The following VPS26A variants were observed in gnomAD, a reference collection of about 807,000 sequenced individuals.
VPS26A encodes the protein VPS26 retromer complex component A, also known as vacuolar protein sorting-associated protein 26A.
A neutral mutation model predicts 42.4 loss-of-function variants in VPS26A; 22 were observed. The observed-to-expected ratio is 0.52, with a 90% CI of 0.37 to 0.74. VPS26A has a LOEUF of 0.74. VPS26A is among the 30% of genes least tolerant of loss of function. The pLI, the probability that VPS26A is intolerant of heterozygous loss-of-function variation, is 0.00. For missense variants in VPS26A, 276 were observed against 379.2 expected (o/e 0.73, Z 2.26); for synonymous variants, 110 against 123.5 (o/e 0.89, Z 0.73).
intron 4 of VPS26A, 129 bp downstream of exon 4, chr10:69,157,292 C>A: frequency 1.7e-6 from 2 of 1,209,610 alleles, no homozygotes; most frequent in Non-Finnish European, 2.2e-6. Context: ...AATTCTGTCA[C>A]ATACTTTGGC....
At chr10:69,162,063 CTCACTGCAGCCTTCACCTGCTGGGT>C (rs1841576915) in intron 5 of VPS26A, among the ~76,000 whole-genome samples, 3 of 149,978 alleles carry the variant, frequency 2.0e-5, no homozygotes, top group Admixed American at 2.0e-4. Context: ...TGTGATTTGC[CTCACTGCAGCCTTCACCTGCTGGGT>C]TCAGGCAGTC....
chr10:69,149,026 G>A (rs1841229046), intron 2 of VPS26A, among the ~76,000 whole-genome samples: 1 of 152,058 alleles, frequency 6.6e-6, no homozygotes, highest in Non-Finnish European at 1.5e-5. Context: ...AAAGTGCTGG[G>A]ATTACCAGTG....
intron 8 of VPS26A, among the ~76,000 whole-genome samples, 178 bp downstream of exon 8, chr10:69,168,809 A>G (rs143767239): frequency 2.1e-4 from 32 of 152,318 alleles, no homozygotes; most frequent in Admixed American, 1.8e-3. Flanking sequence ...TCCCTCCCCA[A>G]TCATTCTGCA....
intron 5 of VPS26A, among the ~76,000 whole-genome samples, chr10:69,159,689 T>C (rs1304732310): frequency 6.6e-6 from 1 of 152,234 alleles, no homozygotes; most frequent in Non-Finnish European, 1.5e-5. Flanking sequence ...TATATCATTC[T>C]AAATATAACT....
intron 2 of VPS26A, among the ~76,000 whole-genome samples, chr10:69,141,134 C>T (rs954406465): frequency 5.9e-5 from 9 of 152,122 alleles, no homozygotes; most frequent in Non-Finnish European, 1.2e-4. Flanking sequence ...ATCTGAGATT[C>T]TAAAAGGCCA....
At chr10:69,131,134 C>A (rs113403389) in intron 1 of VPS26A, among the ~76,000 whole-genome samples, 6,337 of 152,176 alleles carry the variant, frequency 0.042, 462 homozygotes, top group African/African-American at 0.14. Flanking sequence ...TGCAGGCATG[C>A]ACCACCATGC....
intron 1 of VPS26A, among the ~76,000 whole-genome samples, chr10:69,130,776 A>G (rs1840758374): frequency 6.6e-6 from 1 of 152,140 alleles, no homozygotes; most frequent in Admixed American, 6.5e-5. Flanking sequence ...GTGGAGTTAT[A>G]CGTACGTTTT....
At chr10:69,126,188 C>CG (rs1370156457) in intron 1 of VPS26A, among the ~76,000 whole-genome samples, 3 of 152,104 alleles carry the variant, frequency 2.0e-5, no homozygotes, top group Admixed American at 6.6e-5. Flanking sequence ...TCACGGGGTG[C>CG]GGTGGCTCAC....
At position 69,171,445 on chromosome 10, in the gene VPS26A, T is replaced by A. The variant is rs1192777902; in HGVS notation, c.*176T>A. 1 of 518,750 alleles carries A rather than the reference T, an allele frequency of 1.9e-6. No homozygotes were observed. The highest frequency in any genetic ancestry group is 3.3e-6 in the Non-Finnish European group (1 of 299,992). 32.1% of individuals were successfully genotyped at this position (518,750 alleles called of 1,614,324 possible). A position where few individuals can be genotyped will look rare whatever the true frequency, so the allele number is the denominator to read the frequency against. The stretch of plus-strand genomic sequence containing the variant: ...TTTTATGATATAATGAAATGTTCGT[T>A]CATGTATATACATTTTTAAAAGTGC... On this transcript the variant is annotated 3_prime_UTR_variant, in exon 9 of 9. Coordinates refer to ENST00000263559, the MANE Select transcript of VPS26A (RefSeq NM_004896.5).
intron 2 of VPS26A, among the ~76,000 whole-genome samples, chr10:69,148,565 A>G (rs1405947648): frequency 1.3e-5 from 2 of 152,180 alleles, no homozygotes; most frequent in African/African-American, 4.8e-5. Context: ...ATATACAGAT[A>G]ATTTGGTGTC....
intron 2 of VPS26A, among the ~76,000 whole-genome samples, chr10:69,141,000 T>TG (rs1412343327): frequency 6.6e-6 from 1 of 152,218 alleles, no homozygotes; most frequent in Non-Finnish European, 1.5e-5. Flanking sequence ...GGGAATACTT[T>TG]ATCTTTTTCT....
intron 6 of VPS26A, among the ~76,000 whole-genome samples, chr10:69,165,048 C>T (rs1385430904): frequency 2.6e-5 from 4 of 151,914 alleles, no homozygotes; most frequent in African/African-American, 9.7e-5. Context: ...CTGCCTCAGC[C>T]TCCTGAGTAG....
chr10:69,136,022 G>T (rs1840900523), intron 2 of VPS26A, among the ~76,000 whole-genome samples: 1 of 151,950 alleles, frequency 6.6e-6, no homozygotes, highest in Non-Finnish European at 1.5e-5. Flanking sequence ...CTTAATCTCA[G>T]GTTCCCTCTT....
chr10:69,134,830 C>T (rs1840867721), intron 2 of VPS26A, among the ~76,000 whole-genome samples: 1 of 151,990 alleles, frequency 6.6e-6, no homozygotes, highest in Non-Finnish European at 1.5e-5. Flanking sequence ...CAGTGGCTCA[C>T]ACCTTTAATC....
At chr10:69,149,015 C>T (rs1841228453) in intron 2 of VPS26A, among the ~76,000 whole-genome samples, 1 of 152,164 alleles carries the variant, frequency 6.6e-6, no homozygotes, top group South Asian at 2.1e-4. Flanking sequence ...CTCAGCCTCC[C>T]AAAGTGCTGG....
At chr10:69,142,265 G>A (rs1357417438) in intron 2 of VPS26A, among the ~76,000 whole-genome samples, 2 of 141,076 alleles carry the variant, frequency 1.4e-5, no homozygotes, top group Non-Finnish European at 3.0e-5. Context: ...GCTCACTGCA[G>A]CCTCATCCCC....
chr10:69,157,137 T>C lies in VPS26A; in HGVS notation c.360T>C (p.Ser120=). Reference sequence around the variant, plus strand: ...TGCAAGTTGAAAAGCCATATGAATCTTACATCGGTGCCAATGTCCGCTTGA... The same window carrying C: ...TGCAAGTTGAAAAGCCATATGAATCCTACATCGGTGCCAATGTCCGCTTGA... ...EFMQVEKPYE[S]YIGANVRLRY... is the part of the protein sequence containing the mutation. Residue 120 remains serine (S), a synonymous_variant, in exon 4 of 9, where the codon TCT becomes TCC. Coordinates refer to ENST00000263559, the MANE Select transcript of VPS26A (RefSeq NM_004896.5). The C allele has an allele frequency of 6.2e-7, 1 of 1,613,036 alleles. No homozygotes were observed. Among genetic ancestry groups the C allele is most frequent in the Non-Finnish European group, 8.5e-7 (1 of 1,179,518 alleles).
intron 1 of VPS26A, among the ~76,000 whole-genome samples, chr10:69,127,445 C>A (rs534865834): frequency 6.6e-6 from 1 of 150,974 alleles, no homozygotes; most frequent in Non-Finnish European, 1.5e-5. Context: ...CCCAGCTACT[C>A]GGGAGGCTGA....
chr10:69,165,278 A>C (rs945396425), intron 6 of VPS26A, among the ~76,000 whole-genome samples: 1 of 152,018 alleles, frequency 6.6e-6, no homozygotes, highest in African/African-American at 2.4e-5. Flanking sequence ...CTTTATAAGA[A>C]TTTATAGTCA....
Sources: gnomAD v4.1 joint callset for allele counts (sites outside exome capture counted in the v4.1 genomes callset) on GRCh38, gnomAD v4.1.1 for gene constraint, MANE v1.5 for transcripts, NCBI Gene and HGNC (gene_info 2026-07-23, HGNC 2026-07-21) for gene names.